CPNE5: variants seen among roughly 807,000 people sequenced by gnomAD.
CPNE5 encodes the protein copine-5.
CPNE5 carries 42 observed loss-of-function variants against 81.1 expected under a neutral mutation model. The observed-to-expected ratio is 0.52, with a 90% confidence interval of 0.40 to 0.67. The LOEUF (loss-of-function observed/expected upper bound fraction) is 0.67. Ranked by LOEUF, CPNE5 falls within the 30% of genes least tolerant of loss-of-function variation. The probability of loss-of-function intolerance (pLI) is 0.00; values close to 1 mark genes in which losing one functional copy is unlikely to be tolerated. For synonymous variants in CPNE5, 313 were observed against 321.5 expected, an observed-to-expected ratio of 0.97 and a Z score of 0.28; for missense variants, 612 against 815.5, an observed-to-expected ratio of 0.75 and a Z score of 3.04.
intron 11 of CPNE5, among the ~76,000 whole-genome samples, chr6:36,763,280 T>C (rs976720424): frequency 6.6e-6 from 1 of 152,122 alleles, no homozygotes; most frequent in African/African-American, 2.4e-5. Context: ...TGGGGAAATT[T>C]GAATATGAAA....
intron 12 of CPNE5, among the ~76,000 whole-genome samples, chr6:36,761,174 G>A (rs1765987658): frequency 6.6e-6 from 1 of 152,248 alleles, no homozygotes; most frequent in Non-Finnish European, 1.5e-5. Context: ...CCTCAAAGGA[G>A]GCCAGAGAAT....
chr6:36,755,711 C>A (rs1225769536), intron 13 of CPNE5: 1 of 159,238 alleles, frequency 6.3e-6, no homozygotes, highest in East Asian at 1.9e-4. Flanking sequence ...GCCACTAGGC[C>A]GGCGTGTCAT....
At chr6:36,815,031 G>A (rs556221429) in intron 3 of CPNE5, among the ~76,000 whole-genome samples, 85 of 152,036 alleles carry the variant, frequency 5.6e-4, no homozygotes, top group Admixed American at 2.4e-3. Flanking sequence ...GGTGGTGCAC[G>A]CCTGTAATCC....
chr6:36,773,136 CA>C (rs1489961380), intron 10 of CPNE5, among the ~76,000 whole-genome samples: 2 of 152,140 alleles, frequency 1.3e-5, no homozygotes, highest in East Asian at 3.9e-4. Flanking sequence ...CTCAGCCTCC[CA>C]AAGTGTTGGG....
rs1554128071 is a variant in CPNE5 at position 36,823,111 on chromosome 6, G to T, written c.96-13C>A. On this transcript the variant is annotated splice_polypyrimidine_tract_variant and intron_variant, in intron 1 of 20. Coordinates refer to ENST00000244751, the MANE Select transcript of CPNE5 (RefSeq NM_020939.2). ...GTCCAGGAGGTTCCTGAAAGAGGGG[G>T]AGAGAGGAGGGGTTAGCACGGCCAG... The T allele has an allele frequency of 6.4e-7, 1 of 1,560,392 alleles. No individual in the cohort carries two copies. The highest frequency in any genetic ancestry group is 1.2e-5 in the South Asian group (1 of 81,032).
At chr6:36,826,001 A>G (rs567502750) in intron 1 of CPNE5, among the ~76,000 whole-genome samples, 1 of 152,292 alleles carries the variant, frequency 6.6e-6, no homozygotes, top group East Asian at 1.9e-4. Context: ...ACAAATCAGG[A>G]CTGTGAGACT....
chr6:36,742,699 C>T (rs980278608), intron 20 of CPNE5: 4 of 985,166 alleles, frequency 4.1e-6, no homozygotes, highest in Non-Finnish European at 4.8e-6. Context: ...TTCTTTCATT[C>T]ACTCGACAAA....
rs113033586 is a variant in CPNE5, at chr6:36,766,836, G to A, written c.738-1460C>T. ...CTTCTCTCCACTTCATCATTTGGCC[G>A]CGCTCTGATAGGTTTTTGTTTGTTT... On this transcript the variant is annotated intron_variant, in intron 10 of 20. Coordinates refer to ENST00000244751, the MANE Select transcript of CPNE5 (RefSeq NM_020939.2). This position sits in a 1 kb window ranked among gnomAD's most constrained non-coding sequence, Gnocchi z 4.2. Among the ~76,000 whole-genome samples, 87 of 152,222 alleles carry A rather than the reference G, an allele frequency of 5.7e-4. No individual in the cohort carries two copies. The highest frequency in any genetic ancestry group is 1.1e-3 in the Non-Finnish European group (76 of 68,002).
At chr6:36,837,139 T>C (rs147651342) in intron 1 of CPNE5, among the ~76,000 whole-genome samples, 1 of 152,378 alleles carries the variant, frequency 6.6e-6, no homozygotes, top group African/African-American at 2.4e-5. Flanking sequence ...TAGCTACTTA[T>C]TGAGCACCTA....
At chr6:36,744,994 CG>C (rs1253734650) in intron 18 of CPNE5, 53 bp downstream of exon 18, 1 of 1,247,566 alleles carries the variant, frequency 8.0e-7, no homozygotes, top group Non-Finnish European at 1.2e-6. Flanking sequence ...GTTCCCCTAA[CG>C]GGGAGGAAGA....
intron 12 of CPNE5, chr6:36,757,200 T>A (rs1765571362): frequency 2.4e-6 from 1 of 414,938 alleles, no homozygotes; most frequent in Non-Finnish European, 3.2e-6. Context: ...CTCGCCAGTT[T>A]TTCTTTGTTT....
In CPNE5 at chr6:36,748,241, A is replaced by G. The variant is rs1764402760; in HGVS notation, c.998T>C (p.Ile333Thr). The part of the protein sequence containing the change: ...GGTQINFTVA[I>T]DFTASNGNPS... ...CTCACCATTGGAGGCAGTGAAATCA[A>G]TGGCCACAGTGAAGTTGATCTGGGT... The change falls in exon 15 of 21, where the codon ATT becomes ACT. Residue 333 changes from isoleucine to threonine, a missense_variant. Physicochemically the swap from Ile to Thr is moderately conservative, Grantham distance 89. Coordinates refer to ENST00000244751, the MANE Select transcript of CPNE5 (RefSeq NM_020939.2). The G allele has an allele frequency of 1.9e-6, 3 of 1,614,028 alleles. No individual in the cohort carries two copies. The highest frequency in any genetic ancestry group is 1.3e-5 in the African/African-American group (1 of 74,916).
At position 36,839,055 on chromosome 6, in the gene CPNE5, C is replaced by G. The variant is rs1773797123; in HGVS notation, c.95+228G>C. Among the ~76,000 whole-genome samples, 1 of 152,230 alleles carries G rather than the reference C, an allele frequency of 6.6e-6. No individual in the cohort carries two copies. The highest frequency in any genetic ancestry group is 1.5e-5 in the Non-Finnish European group (1 of 68,034). ...CTTCATATCTCCTCGATGCAACAGCCTGGAGCGCAAACTTTCTGGGATATG... is the reference window on the plus strand; with the variant it reads ...CTTCATATCTCCTCGATGCAACAGCGTGGAGCGCAAACTTTCTGGGATATG... On this transcript the variant is annotated intron_variant, in intron 1 of 20. Transcript: ENST00000244751. The surrounding 1 kb of genome is among the most constrained non-coding windows in gnomAD (Gnocchi z 7.3).
At chr6:36,796,082 G>A (rs942423678) in intron 6 of CPNE5, among the ~76,000 whole-genome samples, 3 of 152,132 alleles carry the variant, frequency 2.0e-5, no homozygotes, top group Non-Finnish European at 4.4e-5. Flanking sequence ...CCTAGTAGCT[G>A]GGACTACAGG....
intron 8 of CPNE5, among the ~76,000 whole-genome samples, 194 bp from the exon 9 acceptor site, chr6:36,779,151 T>A (rs1767803435): frequency 6.6e-6 from 1 of 152,008 alleles, no homozygotes; most frequent in African/African-American, 2.4e-5. Context: ...GCACATGGAG[T>A]CCACAGCTGC....
At chr6:36,811,093 C>T (rs535167557) in intron 3 of CPNE5, among the ~76,000 whole-genome samples, 4 of 152,304 alleles carry the variant, frequency 2.6e-5, no homozygotes, top group South Asian at 2.1e-4. Context: ...GAACGGGGAA[C>T]GACCCTTTAC....
At chr6:36,742,722 T>C (rs1468925985) in intron 20 of CPNE5, 8 of 985,200 alleles carry the variant, frequency 8.1e-6, no homozygotes, top group Non-Finnish European at 8.4e-6. Context: ...CTGAGCCCTA[T>C]TCCACACCAG....
rs1768168342 is a variant in CPNE5, at chr6:36,782,869, A to AC, written c.529-3913_529-3912insG. Among the ~76,000 whole-genome samples, 22 of 145,826 alleles carry AC rather than the reference A, an allele frequency of 1.5e-4. 1 individual carries two copies. The highest frequency in any genetic ancestry group is 1.0e-3 in the East Asian group (5 of 5,002). On this transcript the variant is annotated intron_variant, in intron 8 of 20. Coordinates refer to ENST00000244751, the MANE Select transcript of CPNE5 (RefSeq NM_020939.2). The stretch of plus-strand genomic sequence containing the variant: ...CACACACACACACACACACACACAC[A>AC]AAACGGCACAAAGGAGCCAAGGGCC...
In CPNE5 at chr6:36,742,218, A is replaced by C. The variant is rs770045039; in HGVS notation, c.*50T>G. The C allele has an allele frequency of 9.9e-6, 14 of 1,418,974 alleles. No homozygotes were observed. The East Asian group carries it at 3.3e-4, about 33-fold the overall frequency. 87.9% of individuals were successfully genotyped at this position (1,418,974 alleles called of 1,614,324 possible). ...GGGGAGTCTGGGGCCCTGGCCTCCCATTCACCTGGCCTCTCCCAGGCCCCA... is the reference window on the plus strand; with the variant it reads ...GGGGAGTCTGGGGCCCTGGCCTCCCCTTCACCTGGCCTCTCCCAGGCCCCA... On this transcript the variant is annotated 3_prime_UTR_variant, in exon 21 of 21. Coordinates refer to ENST00000244751, the MANE Select transcript of CPNE5 (RefSeq NM_020939.2).
Sources: allele counts gnomAD v4.1 joint callset (sites outside exome capture counted in the v4.1 genomes callset), GRCh38; gene constraint gnomAD v4.1.1; non-coding constraint Gnocchi (gnomAD v3.1); transcripts MANE v1.5; gene names NCBI Gene and HGNC (gene_info 2026-07-23, HGNC 2026-07-21).